PCDHA5: variants seen among roughly 807,000 people sequenced by gnomAD.
PCDHA5 encodes the protein protocadherin alpha-5.
Under a neutral mutation model 61.6 loss-of-function variants are expected in PCDHA5, and 43 were observed. The observed-to-expected ratio is 0.70, with a 90% CI of 0.55 to 0.90. The LOEUF is 0.90. PCDHA5 is among the 40% of genes least tolerant of loss of function. The probability of loss-of-function intolerance (pLI) is 0.00; values close to 1 mark genes in which losing one functional copy is unlikely to be tolerated. For synonymous variants in PCDHA5, 627 were observed against 543.9 expected, an observed-to-expected ratio of 1.15 and a Z score of -2.13; for missense variants, 1,298 against 1,222.7, an observed-to-expected ratio of 1.06 and a Z score of -0.92.
intron 1 of PCDHA5, chr5:140,868,976 T>C: frequency 6.7e-7 from 1 of 1,481,558 alleles, no homozygotes; most frequent in Non-Finnish European, 9.0e-7. Context: ...AACTCCATCA[T>C]ACCGGATGCC....
chr5:140,848,297 T>C, intron 1 of PCDHA5: 1 of 658,484 alleles, frequency 1.5e-6, no homozygotes, highest in Non-Finnish European at 2.6e-6. Flanking sequence ...TTGGGCCACG[T>C]GATGTCACTC....
chr5:140,898,887 C>T (rs1554188288), intron 1 of PCDHA5, among the ~76,000 whole-genome samples: 1 of 152,028 alleles, frequency 6.6e-6, no homozygotes, highest in Non-Finnish European at 1.5e-5. Context: ...TTGTAGTTCT[C>T]CTTGAAGAGG....
At chr5:140,957,919 A>G (rs1477103013) in intron 1 of PCDHA5, among the ~76,000 whole-genome samples, 1 of 152,158 alleles carries the variant, frequency 6.6e-6, no homozygotes, top group Non-Finnish European at 1.5e-5. Flanking sequence ...TTATCTATGT[A>G]TCAAGCTAAA....
chr5:140,923,924 T>C (rs968133405), intron 1 of PCDHA5, among the ~76,000 whole-genome samples: 15 of 152,220 alleles, frequency 9.9e-5, no homozygotes. Context: ...TACTGTTCTC[T>C]GTATGCATTT....
chr5:140,991,923 C>T (rs996562269), intron 3 of PCDHA5, among the ~76,000 whole-genome samples: 1 of 152,088 alleles, frequency 6.6e-6, no homozygotes, highest in Non-Finnish European at 1.5e-5. Flanking sequence ...TGTAACATAA[C>T]ATATTCACAA....
At position 140,850,562 on chromosome 5, in the gene PCDHA5, C is replaced by G. The variant is rs2150489447; in HGVS notation, c.2352+26435C>G. On this transcript the variant is annotated intron_variant, in intron 1 of 3. Transcript: ENST00000529859. Reference sequence around the variant, plus strand: ...GGGCGTCAGTGGGTGCCACGGGCCCCGAGGTGACGCTGGTGGATGTCAACG... The same window carrying G: ...GGGCGTCAGTGGGTGCCACGGGCCCGGAGGTGACGCTGGTGGATGTCAACG... 18 of 1,598,196 alleles carry G rather than the reference C, an allele frequency of 1.1e-5. 1 individual carries two copies. Among genetic ancestry groups the G allele is most frequent in the Admixed American group, 8.4e-5 (5 of 59,298 alleles).
intron 1 of PCDHA5, chr5:140,969,021 C>T (rs2096289420): frequency 8.1e-6 from 13 of 1,614,146 alleles, no homozygotes; most frequent in Non-Finnish European, 1.1e-5. Context: ...AGGGAAAGGT[C>T]CCCTGCAGAA....
At position 140,928,189 on chromosome 5, in the gene PCDHA5, G is replaced by GTGA. The variant is rs1321549982; in HGVS notation, c.2353-50758_2353-50757insATG. On this transcript the variant is annotated intron_variant, in intron 1 of 3. Transcript: ENST00000529859. The stretch of plus-strand genomic sequence containing the variant: ...ACTTAGCACCCGAAGGACAATCACT[G>GTGA]TGTCAGTTGCTGATGTGAATGACAA... 5 of 1,614,096 alleles carry GTGA rather than the reference G, an allele frequency of 3.1e-6. No homozygotes were observed. In the East Asian group the frequency reaches 8.9e-5, roughly 29 times the overall value.
intron 3 of PCDHA5, among the ~76,000 whole-genome samples, chr5:140,997,668 T>G (rs2097778117): frequency 6.7e-6 from 1 of 148,344 alleles, no homozygotes; most frequent in African/African-American, 2.5e-5. Flanking sequence ...ATTATACAGC[T>G]TGTGTGTGTG....
intron 1 of PCDHA5, chr5:140,967,407 G>A: frequency 6.2e-7 from 1 of 1,613,098 alleles, no homozygotes; most frequent in South Asian, 1.1e-5. Context: ...CTGCGTAAGG[G>A]CCTAGACCGG....
At position 140,850,458 on chromosome 5, in the gene PCDHA5, G is replaced by T. The variant is rs150924900; in HGVS notation, c.2352+26331G>T. 34 of 1,597,834 alleles carry T rather than the reference G, an allele frequency of 2.1e-5. 2 individuals carry two copies. In the African/African-American group the frequency reaches 4.4e-4, roughly 21 times the overall value. On this transcript the variant is annotated intron_variant, in intron 1 of 3. Transcript: ENST00000529859. ...CCTACTGGTGCTGGTGAAAGACCAC[G>T]GGGAGCCAGCGCTGACGGCCACGGC...
chr5:140,829,648 G>C (rs2150172028), intron 1 of PCDHA5: 2 of 1,612,244 alleles, frequency 1.2e-6, no homozygotes, highest in South Asian at 2.2e-5. Flanking sequence ...AGGTGTACGC[G>C]CTGCAGCCGC....
At chr5:140,890,753 C>G (rs1274674281) in intron 1 of PCDHA5, among the ~76,000 whole-genome samples, 1 of 152,114 alleles carries the variant, frequency 6.6e-6, no homozygotes, top group African/African-American at 2.4e-5. Context: ...TTCTGTCATG[C>G]TTTAAAAATA....
At chr5:140,858,446 T>C in intron 1 of PCDHA5, 1 of 1,533,674 alleles carries the variant, frequency 6.5e-7, no homozygotes, top group Non-Finnish European at 8.9e-7. Context: ...GGTGGGTTAT[T>C]ACGTTTTCAT....
At chr5:140,872,797 C>T (rs2153276720) in intron 1 of PCDHA5, among the ~76,000 whole-genome samples, 1 of 152,196 alleles carries the variant, frequency 6.6e-6, no homozygotes, top group South Asian at 2.1e-4. Flanking sequence ...AGTTGGCATT[C>T]TTCCATAAGT....
At chr5:140,862,809 G>A in intron 1 of PCDHA5, 1 of 572,722 alleles carries the variant, frequency 1.7e-6, no homozygotes, top group Non-Finnish European at 3.4e-6. Context: ...AGCTGCTGCA[G>A]TTCTAGGTGA....
chr5:140,836,738 T>C, intron 1 of PCDHA5: 1 of 1,603,644 alleles, frequency 6.2e-7, no homozygotes, highest in Non-Finnish European at 8.5e-7. Flanking sequence ...CTACAGACAA[T>C]GTGAGTCATA....
intron 1 of PCDHA5, among the ~76,000 whole-genome samples, chr5:140,978,326 G>A: frequency 6.6e-6 from 1 of 152,202 alleles, no homozygotes; most frequent in East Asian, 1.9e-4. Flanking sequence ...ACAAGTACAA[G>A]TTTATGAAAA....
intron 1 of PCDHA5, among the ~76,000 whole-genome samples, chr5:140,897,322 A>C (rs1407696399): frequency 7.4e-6 from 1 of 134,448 alleles, no homozygotes; most frequent in Non-Finnish European, 1.6e-5. Context: ...TCCTAAAGCT[A>C]TCCCTCCCCC....
Sources: allele counts gnomAD v4.1 joint callset (sites outside exome capture counted in the v4.1 genomes callset), GRCh38; gene constraint gnomAD v4.1.1; transcripts MANE v1.5; gene names NCBI Gene and HGNC (gene_info 2026-07-23, HGNC 2026-07-21).